CTSC: variants seen among roughly 807,000 people sequenced by gnomAD.
CTSC encodes the protein cathepsin C, also known as dipeptidyl peptidase 1.
A neutral mutation model predicts 40.9 loss-of-function variants in CTSC; 37 were observed. The observed-to-expected ratio is 0.91, with a 90% CI of 0.70 to 1.19. The LOEUF is 1.19. Among genes scored for constraint, CTSC ranks in the 50% most tolerant of loss-of-function variants. The pLI is 0.00. For missense variants in CTSC, 594 were observed against 567.3 expected (o/e 1.05, Z -0.48); for synonymous variants, 232 against 207.4 (o/e 1.12, Z -1.02).
chr11:88,301,520 A>G (rs1944360505), intron 4 of CTSC, among the ~76,000 whole-genome samples: 1 of 152,088 alleles, frequency 6.6e-6, no homozygotes, highest in African/African-American at 2.4e-5. Context: ...TCCTTGCCTC[A>G]TTTGTGAGTT....
At chr11:88,334,318 T>C (rs1477237216) in intron 2 of CTSC, among the ~76,000 whole-genome samples, 1 of 152,216 alleles carries the variant, frequency 6.6e-6, no homozygotes, top group Non-Finnish European at 1.5e-5. Flanking sequence ...TGTTTGCAAT[T>C]GGAAAAAGTG....
chr11:88,335,660 C>T (rs1359095585), intron 1 of CTSC, among the ~76,000 whole-genome samples: 5 of 152,144 alleles, frequency 3.3e-5, no homozygotes, highest in African/African-American at 1.2e-4. Context: ...CATCCCAACA[C>T]TGAAGAAATT....
chr11:88,324,606 G>C (rs1183446132), intron 2 of CTSC: 4 of 984,488 alleles, frequency 4.1e-6, no homozygotes, highest in East Asian at 1.1e-4. Context: ...ATGTGCATTA[G>C]GTGTTGAAGA....
intron 2 of CTSC, among the ~76,000 whole-genome samples, chr11:88,316,969 ATT>A (rs1248755301): frequency 6.9e-6 from 1 of 144,368 alleles, no homozygotes; most frequent in Admixed American, 6.9e-5. Flanking sequence ...GGTTGTCTTA[ATT>A]TTTTTTTTTT....
chr11:88,334,900 C>A lies in CTSC; in HGVS notation c.318+37G>T, dbSNP rs750158266. 6 of 1,513,172 alleles carry A rather than the reference C, an allele frequency of 4.0e-6. No individual in the cohort carries two copies. The Admixed American group carries it at 6.7e-5, about 17-fold the overall frequency. 93.7% of individuals were successfully genotyped at this position (1,513,172 alleles called of 1,614,324 possible). ...TCAGAAGAGGTTTCAGATATCAAAT[C>A]ATTGAAAATGTAAATCCAACTTCCA... On this transcript the variant is annotated intron_variant, in intron 2 of 6. Coordinates refer to ENST00000227266, the MANE Select transcript of CTSC (RefSeq NM_001814.6).
chr11:88,326,087 G>T, intron 2 of CTSC: 1 of 1,227,884 alleles, frequency 8.1e-7, no homozygotes, highest in Non-Finnish European at 1.0e-6. Context: ...AGAACAACGT[G>T]TTGTATATTG....
chr11:88,301,478 C>T (rs905182668), intron 4 of CTSC, among the ~76,000 whole-genome samples: 8 of 152,090 alleles, frequency 5.3e-5, no homozygotes, highest in Non-Finnish European at 1.2e-4. Flanking sequence ...CTTTCATTTT[C>T]AATAAATCTC....
At chr11:88,302,289 C>A (rs1355494561) in intron 4 of CTSC, among the ~76,000 whole-genome samples, 1 of 152,108 alleles carries the variant, frequency 6.6e-6, no homozygotes, top group Non-Finnish European at 1.5e-5. Flanking sequence ...CACAAATGGT[C>A]CCGTCTCTCA....
intron 2 of CTSC, among the ~76,000 whole-genome samples, chr11:88,316,900 G>C (rs1050522061): frequency 7.2e-5 from 11 of 151,996 alleles, no homozygotes; most frequent in African/African-American, 2.4e-4. Context: ...ATTTTAGGTT[G>C]ACCTAGAAGT....
Position 88,337,707 on chromosome 11 carries a change from C to G in CTSC, c.-35G>C, listed in dbSNP as rs371777422. 1.4e-4 allele frequency: 219 copies of G among 1,553,000 alleles called. No individual in the cohort carries two copies. The African/African-American group carries it at 2.9e-3, about 20-fold the overall frequency. On this transcript the variant is annotated 5_prime_UTR_variant, in exon 1 of 7. Coordinates refer to ENST00000227266, the MANE Select transcript of CTSC (RefSeq NM_001814.6). ...AGCTGAGAAAAGAGGTGAAGAATTA[C>G]CAGGAAGCCGAGCGCTGCGGGCTAG...
chr11:88,326,534 A>AG lies in CTSC; in HGVS notation c.318+8402_318+8403insC, dbSNP rs549561281. ...ATATCAGTTTCTTTAAGTAAAAAAA[A>AG]AAAAAAATACCAGCACTGATATTTG... On this transcript the variant is annotated intron_variant, in intron 2 of 6. Transcript: ENST00000227266. 1.9e-4 allele frequency: 157 copies of AG among 811,814 alleles called. No homozygotes were observed. In the African/African-American group the frequency reaches 2.6e-3, roughly 13 times the overall value. 50.3% of individuals were successfully genotyped at this position (811,814 alleles called of 1,614,324 possible). A position where few individuals can be genotyped will look rare whatever the true frequency, so the allele number is the denominator to read the frequency against.
intron 3 of CTSC, among the ~76,000 whole-genome samples, chr11:88,311,894 A>C (rs1371760651): frequency 6.6e-6 from 1 of 152,210 alleles, no homozygotes; most frequent in Non-Finnish European, 1.5e-5. Flanking sequence ...CTAGCCTCCA[A>C]AACTGTGAAA....
In CTSC at chr11:88,300,839, GTTTC is replaced by G. The variant is rs3832753; in HGVS notation, c.642-198_642-195del. ...GTTGTGTAAATGGCTTTCATTCGCT[GTTTC>G]TTTTTCAGGATCTAGTATTGATAAT... is the stretch of plus-strand genomic sequence containing the variant. On this transcript the variant is annotated intron_variant, in intron 4 of 6. Transcript: ENST00000227266. Among the ~76,000 whole-genome samples the G allele has an allele frequency of 0.13, 19,051 of 151,672 alleles. 1,299 individuals are homozygous for G. Among genetic ancestry groups the G allele is most frequent in the East Asian group, 0.21 (1,096 of 5,154 alleles).
chr11:88,312,602 A>T, intron 2 of CTSC, 48 bp from the exon 3 acceptor site: 2 of 1,607,862 alleles, frequency 1.2e-6, no homozygotes, highest in Non-Finnish European at 1.7e-6. Flanking sequence ...CTGTCTTCAA[A>T]TTTCAGGTCC....
intron 2 of CTSC, among the ~76,000 whole-genome samples, chr11:88,315,634 T>C (rs1396522250): frequency 1.3e-5 from 2 of 152,148 alleles, no homozygotes; most frequent in Non-Finnish European, 2.9e-5. Context: ...TCATAAATCT[T>C]ACAGGTTCAA....
chr11:88,293,808 AATACTTAG>A lies in CTSC; in HGVS notation c.*190_*197del. 1.6e-6 allele frequency: 1 copy of A among 635,898 alleles called. No homozygotes were observed. The highest frequency in any genetic ancestry group is 1.9e-5 in the South Asian group (1 of 51,668). The allele number at this position is 635,898 out of a possible 1,614,324, so 39.4% of individuals were successfully genotyped here. ...CTTCCAGAAAATTCCCACTTAATTGAATACTTAGAAAAAAATGGCCAGTGGCCGATTGA... is the reference window on the plus strand; with the variant it reads ...CTTCCAGAAAATTCCCACTTAATTGAAAAAAAATGGCCAGTGGCCGATTGA... On this transcript the variant is annotated 3_prime_UTR_variant, in exon 7 of 7. Transcript: ENST00000227266.
intron 2 of CTSC, among the ~76,000 whole-genome samples, chr11:88,316,531 T>A (rs1937882827): frequency 6.7e-6 from 1 of 149,754 alleles, no homozygotes; most frequent in Admixed American, 6.6e-5. Context: ...TTACAGACTA[T>A]ATCTCATGGG....
intron 2 of CTSC, chr11:88,323,294 G>T (rs1938078066): frequency 6.6e-6 from 1 of 152,042 alleles, no homozygotes; most frequent in African/African-American, 2.4e-5. Context: ...CTTTTTATGA[G>T]AAACCCACAG....
At chr11:88,329,419 G>A (rs866510904) in intron 2 of CTSC, among the ~76,000 whole-genome samples, 1 of 140,318 alleles carries the variant, frequency 7.1e-6, no homozygotes, top group African/African-American at 2.7e-5. Context: ...GAGGTGGAAG[G>A]AGCGAGGGCC....
Sources: allele counts gnomAD v4.1 joint callset (sites outside exome capture counted in the v4.1 genomes callset), GRCh38; gene constraint gnomAD v4.1.1; transcripts MANE v1.5; gene names NCBI Gene and HGNC (gene_info 2026-07-23, HGNC 2026-07-21).